Variants in ATP8B4 observed in about 807,000 individuals in gnomAD.
ATP8B4 encodes the protein ATPase phospholipid transporting 8B4 (putative).
A neutral mutation model predicts 145.6 loss-of-function variants in ATP8B4; 133 were observed. That is an observed-to-expected ratio of 0.91 (90% CI 0.79 to 1.05). ATP8B4 has a LOEUF of 1.05. Ranked by LOEUF, ATP8B4 falls within the 50% of genes least tolerant of loss-of-function variation. The pLI is 0.00. For missense variants in ATP8B4, 1,458 were observed against 1,425.2 expected (o/e 1.02, Z -0.37); for synonymous variants, 507 against 492.9 (o/e 1.03, Z -0.38).
intron 3 of ATP8B4, among the ~76,000 whole-genome samples, chr15:50,064,492 C>G (rs1482628122): frequency 6.6e-6 from 1 of 152,152 alleles, no homozygotes; most frequent in African/African-American, 2.4e-5. Flanking sequence ...TACACTTCCT[C>G]ACAACTACAA....
intron 14 of ATP8B4, 149 bp from the exon 15 acceptor site, chr15:49,934,331 G>C: frequency 1.1e-6 from 1 of 872,194 alleles, no homozygotes; most frequent in Middle Eastern, 3.6e-4. Context: ...CATCATTACT[G>C]TTAAATATAA....
At chr15:50,085,911 T>TATATGATATATATCATATATACG (rs1567330741) in intron 2 of ATP8B4, among the ~76,000 whole-genome samples, 8 of 92,046 alleles carry the variant, frequency 8.7e-5, no homozygotes, top group African/African-American at 4.3e-4. Flanking sequence ...TCATATATAT[T>TATATGATATATATCATATATACG]TATATATGAT....
intron 1 of ATP8B4, among the ~76,000 whole-genome samples, chr15:50,169,932 T>A (rs1186157319): frequency 1.3e-5 from 2 of 151,886 alleles, no homozygotes; most frequent in African/African-American, 4.8e-5. Flanking sequence ...AAAAAGAAAT[T>A]CAGAGCTCAA....
At chr15:49,895,072 T>C (rs1223706588) in intron 23 of ATP8B4, 1 of 152,184 alleles carries the variant, frequency 6.6e-6, no homozygotes, top group East Asian at 1.9e-4. Flanking sequence ...GCAGGTAAAA[T>C]ATGCCTCAGG....
intron 12 of ATP8B4, among the ~76,000 whole-genome samples, chr15:49,979,117 G>A (rs572280829): frequency 4.6e-5 from 7 of 152,042 alleles, no homozygotes; most frequent in African/African-American, 1.2e-4. Flanking sequence ...TCATACAATC[G>A]TATGAGGTAG....
chr15:50,024,664 G>A (rs2049871328), intron 6 of ATP8B4, among the ~76,000 whole-genome samples: 1 of 152,194 alleles, frequency 6.6e-6, no homozygotes. Flanking sequence ...TCTCCACTGG[G>A]TGTCTAGGGC....
At chr15:50,021,125 T>C (rs1357605146) in intron 6 of ATP8B4, among the ~76,000 whole-genome samples, 1 of 119,662 alleles carries the variant, frequency 8.4e-6, no homozygotes, top group Non-Finnish European at 1.9e-5. Flanking sequence ...TTATGATAGA[T>C]AGATAGATAG....
intron 20 of ATP8B4, among the ~76,000 whole-genome samples, chr15:49,916,178 T>C (rs1381709454): frequency 6.6e-6 from 1 of 152,110 alleles, no homozygotes; most frequent in Non-Finnish European, 1.5e-5. Context: ...AAAATATTTT[T>C]GTAGATTTTT....
rs1381431819 is a variant in ATP8B4 at position 49,860,313 on chromosome 15, G to T, written c.3460C>A (p.Pro1154Thr). Reference protein sequence around the residue: ...SGKNMRAKNPPPTSGLEKTHY... With the variant: ...SGKNMRAKNPTPTSGLEKTHY... ...GTCTTTTCCAGCCCTGATGTTGGGG[G>T]TGGATTTTTAGCTCGCATATTTTTT... Residue 1154 changes from proline to threonine, a missense_variant, in exon 28 of 28, where the codon CCC becomes ACC. Coordinates refer to ENST00000284509, the MANE Select transcript of ATP8B4 (RefSeq NM_024837.4). 1 of 1,614,014 alleles carries T rather than the reference G, an allele frequency of 6.2e-7. No homozygotes were observed. The highest frequency in any genetic ancestry group is 8.5e-7 in the Non-Finnish European group (1 of 1,180,014).
At chr15:50,028,555 C>CAGAAGTGAGTTTTTT (rs1179767573) in intron 6 of ATP8B4, among the ~76,000 whole-genome samples, 2 of 152,152 alleles carry the variant, frequency 1.3e-5, no homozygotes, top group Non-Finnish European at 2.9e-5. Flanking sequence ...TTTGCTCACA[C>CAGAAGTGAGTTTTTT]ACCTTACCCA....
intron 14 of ATP8B4, among the ~76,000 whole-genome samples, chr15:49,946,436 G>A (rs531305878): frequency 6.6e-6 from 1 of 152,198 alleles, no homozygotes; most frequent in East Asian, 1.9e-4. Context: ...ACACACAAAC[G>A]GACTAAGCCA....
intron 26 of ATP8B4, among the ~76,000 whole-genome samples, chr15:49,864,901 A>G (rs975899197): frequency 1.3e-5 from 2 of 152,236 alleles, no homozygotes; most frequent in African/African-American, 4.8e-5. Flanking sequence ...AAGTGAAGAC[A>G]TTAATGCATA....
chr15:49,874,723 C>T (rs1019826948), intron 25 of ATP8B4, among the ~76,000 whole-genome samples: 2 of 151,928 alleles, frequency 1.3e-5, no homozygotes, highest in African/African-American at 2.4e-5. Flanking sequence ...AAACTTCAAG[C>T]GACAAGAAGT....
Position 49,866,698 on chromosome 15 carries a change from G to A in ATP8B4, c.3028-214C>T, listed in dbSNP as rs1011046336. 8.5e-4 allele frequency among the ~76,000 whole-genome samples: 130 copies of A among 152,274 alleles called. 2 individuals are homozygous for A. The highest frequency in any genetic ancestry group is 4.3e-3 in the South Asian group (21 of 4,828). On this transcript the variant is annotated intron_variant, in intron 25 of 27. Coordinates refer to ENST00000284509, the MANE Select transcript of ATP8B4 (RefSeq NM_024837.4). ...AAAATTGACTTTAGAACTTCTATAC[G>A]CAAGCCATTATATCTGCCAAGGTCG... is the stretch of plus-strand genomic sequence containing the variant.
intron 7 of ATP8B4, among the ~76,000 whole-genome samples, chr15:50,008,408 T>C (rs1888194794): frequency 6.6e-6 from 1 of 152,144 alleles, no homozygotes; most frequent in Non-Finnish European, 1.5e-5. Context: ...AAAATAAGCA[T>C]TCTCACCCCA....
chr15:50,087,105 G>A (rs1184136780), intron 2 of ATP8B4, among the ~76,000 whole-genome samples: 1 of 48,036 alleles, frequency 2.1e-5, no homozygotes, highest in East Asian at 2.6e-3. Context: ...AATAAATATA[G>A]ATTATATTTA....
chr15:49,881,077 A>C (rs939220267), intron 23 of ATP8B4, among the ~76,000 whole-genome samples: 6 of 152,038 alleles, frequency 3.9e-5, no homozygotes, highest in Non-Finnish European at 8.8e-5. Flanking sequence ...ACGCCACTGC[A>C]CTCCAGCCTG....
At chr15:50,043,613 T>C (rs910053124) in intron 5 of ATP8B4, among the ~76,000 whole-genome samples, 1 of 152,224 alleles carries the variant, frequency 6.6e-6, no homozygotes, top group Non-Finnish European at 1.5e-5. Flanking sequence ...CTCTTCTTCA[T>C]AATTTTCTTA....
chr15:49,870,470 A>G (rs1382395909), intron 25 of ATP8B4, among the ~76,000 whole-genome samples: 2 of 152,198 alleles, frequency 1.3e-5, no homozygotes, highest in Non-Finnish European at 2.9e-5. Flanking sequence ...TACTTTTTTA[A>G]AAAAACAATA....
Sources: allele counts gnomAD v4.1 joint callset (sites outside exome capture counted in the v4.1 genomes callset), GRCh38; gene constraint gnomAD v4.1.1; transcripts MANE v1.5; gene names NCBI Gene and HGNC (gene_info 2026-07-23, HGNC 2026-07-21).